Variants in CEP170 observed in about 807,000 individuals in gnomAD.
CEP170 encodes the protein centrosomal protein of 170 kDa.
Under a neutral mutation model 151.9 loss-of-function variants are expected in CEP170, and 21 were observed. The ratio of observed to expected loss-of-function variants is 0.14; its 90% CI spans 0.10 to 0.20. CEP170 has a LOEUF of 0.20. CEP170 is among the 10% of genes least tolerant of loss of function. The pLI is 1.00. For synonymous variants in CEP170, 356 were observed against 648.8 expected (o/e 0.55, Z 6.86); for missense variants, 964 against 1,892.9 (o/e 0.51, Z 9.11).
At chr1:243,175,348 T>G (rs2059155779) in intron 10 of CEP170, among the ~76,000 whole-genome samples, 1 of 152,220 alleles carries the variant, frequency 6.6e-6, no homozygotes, top group Non-Finnish European at 1.5e-5. Flanking sequence ...AAACAAGTGG[T>G]AGGGCCTGAC....
chr1:243,244,677 T>A (rs934876578), intron 1 of CEP170, among the ~76,000 whole-genome samples: 2 of 151,632 alleles, frequency 1.3e-5, no homozygotes, highest in Admixed American at 1.3e-4. Flanking sequence ...GCCCACGAGA[T>A]CGAGGCTGCA....
chr1:243,243,579 A>G (rs528943967), intron 1 of CEP170, among the ~76,000 whole-genome samples: 2 of 151,998 alleles, frequency 1.3e-5, no homozygotes, highest in Admixed American at 1.3e-4. Context: ...GCTGGAGTCC[A>G]GTGGGGCGAT....
Position 243,156,313 on chromosome 1 carries a change from T to C in CEP170, c.3819A>G (p.Ser1273=), listed in dbSNP as rs1338927772. ...TGAATGAAGAACTAGTAGGCATTGCTGATCCAGCGCTCTGCAAGCGAGTGG... is the reference window on the plus strand; with the variant it reads ...TGAATGAAGAACTAGTAGGCATTGCCGATCCAGCGCTCTGCAAGCGAGTGG... The part of the protein sequence containing the change: ...LKTTRLQSAG[S]AMPTSSSFKH... Residue 1273 remains serine, a synonymous_variant, in exon 14 of 20, where the codon TCA becomes TCG. Transcript: ENST00000366542. The C allele has an allele frequency of 1.4e-5, 23 of 1,592,206 alleles. No individual in the cohort carries two copies. The highest frequency in any genetic ancestry group is 1.9e-5 in the Non-Finnish European group (22 of 1,169,468).
At chr1:243,229,816 T>C (rs1250785051) in intron 1 of CEP170, among the ~76,000 whole-genome samples, 1 of 152,224 alleles carries the variant, frequency 6.6e-6, no homozygotes, top group South Asian at 2.1e-4. Flanking sequence ...TGTGTGTTTG[T>C]TTTTCTTTCT....
chr1:243,215,395 A>G (rs144717309), intron 3 of CEP170, among the ~76,000 whole-genome samples: 53 of 152,328 alleles, frequency 3.5e-4, no homozygotes, highest in African/African-American at 8.9e-4. Flanking sequence ...TAGGAGAAAT[A>G]TCGCTGAATT....
upstream of CEP170, chr1:243,255,426 A>G (rs561047204): frequency 1.8e-3 from 270 of 153,626 alleles, no homozygotes; most frequent in Middle Eastern, 3.4e-3. Flanking sequence ...GCGTGCCCCG[A>G]AAGACCAGCT....
At chr1:243,233,741 A>AAAAAAAAT (rs1367723157) in intron 1 of CEP170, among the ~76,000 whole-genome samples, 4 of 140,434 alleles carry the variant, frequency 2.8e-5, no homozygotes, top group African/African-American at 1.1e-4. Context: ...TCAAAAAAAA[A>AAAAAAAAT]ATATATATAT....
intron 13 of CEP170, chr1:243,163,059 C>G (rs2058188318): frequency 6.6e-6 from 1 of 152,068 alleles, no homozygotes; most frequent in Non-Finnish European, 1.5e-5. Context: ...CCATCATTAC[C>G]AAACCCACTG....
At position 243,200,807 on chromosome 1, in the gene CEP170, T is replaced by C. The variant is rs377337969; in HGVS notation, c.303A>G (p.Gly101=). ...GAGCTTCTTCAGGGACCCTCATTTC[T>C]CCTTGTACTACAGTGAAAAGATTTG... ...YDTNLFTVVQ[G]EMRVPEEALK... The change falls in exon 5 of 20, where the codon GGA becomes GGG. Residue 101 remains glycine, a synonymous_variant. Coordinates refer to ENST00000366542, the MANE Select transcript of CEP170 (RefSeq NM_014812.3). 2.4e-4 allele frequency: 386 copies of C among 1,611,010 alleles called. No individual in the cohort carries two copies. Among genetic ancestry groups the C allele is most frequent in the Non-Finnish European group, 3.1e-4 (370 of 1,178,934 alleles).
chr1:243,238,674 T>C lies in CEP170; in HGVS notation c.-41-13353A>G, dbSNP rs561292271. Among the ~76,000 whole-genome samples the C allele has an allele frequency of 1.4e-4, 21 of 152,334 alleles. No individual in the cohort carries two copies. In the South Asian group the frequency reaches 4.1e-3, roughly 30 times the overall value. ...AATGTACTAGAGTGTATGGTATATA[T>C]ACATGTATTAAAGAAAAAATCAAAT... On this transcript the variant is annotated intron_variant, in intron 1 of 19. Coordinates refer to ENST00000366542, the MANE Select transcript of CEP170 (RefSeq NM_014812.3).
chr1:243,137,745 G>A (rs1457575593), intron 16 of CEP170, among the ~76,000 whole-genome samples: 45 of 150,658 alleles, frequency 3.0e-4, no homozygotes, highest in Non-Finnish European at 5.8e-4. Flanking sequence ...ACTGCCCTCC[G>A]GCCTGGTGAC....
intron 1 of CEP170, among the ~76,000 whole-genome samples, chr1:243,252,090 C>T (rs868257294): frequency 6.6e-6 from 1 of 152,124 alleles, no homozygotes; most frequent in Admixed American, 6.5e-5. Flanking sequence ...GATATTTCTT[C>T]CCATCAAAAG....
At chr1:243,212,610 T>C (rs2061908598) in intron 3 of CEP170, among the ~76,000 whole-genome samples, 1 of 152,128 alleles carries the variant, frequency 6.6e-6, no homozygotes, top group African/African-American at 2.4e-5. Flanking sequence ...GTGATCCAAA[T>C]AATAAGACAA....
Position 243,186,082 on chromosome 1 carries a change from C to A in CEP170, c.1273-10G>T. ...GATGCGCAGAGCTAGTCTGTAAAGA[C>A]AAAGAAACCACTTTGGCATCTGCTG... On this transcript the variant is annotated splice_polypyrimidine_tract_variant and intron_variant, in intron 9 of 19. Coordinates refer to ENST00000366542, the MANE Select transcript of CEP170 (RefSeq NM_014812.3). 1 of 1,613,594 alleles carries A rather than the reference C, an allele frequency of 6.2e-7. No individual in the cohort carries two copies. Among genetic ancestry groups the A allele is most frequent in the Non-Finnish European group, 8.5e-7 (1 of 1,179,584 alleles).
chr1:243,189,421 TG>T (rs1173418353), intron 8 of CEP170, among the ~76,000 whole-genome samples: 1 of 151,342 alleles, frequency 6.6e-6, no homozygotes, highest in Non-Finnish European at 1.5e-5. Flanking sequence ...CCGGGTGTGG[TG>T]GTGGGCGCCT....
At chr1:243,217,111 C>T (rs576889372) in intron 3 of CEP170, among the ~76,000 whole-genome samples, 27 of 152,296 alleles carry the variant, frequency 1.8e-4, no homozygotes, top group Admixed American at 1.3e-4. Flanking sequence ...TGTTACTATA[C>T]TGAATATTGT....
chr1:243,199,451 T>G (rs928286182), intron 6 of CEP170, among the ~76,000 whole-genome samples: 1 of 152,092 alleles, frequency 6.6e-6, no homozygotes, highest in Non-Finnish European at 1.5e-5. Context: ...AATAGCTTTT[T>G]GTTAAGGTGT....
At chr1:243,154,387 T>A (rs2057375142) in intron 14 of CEP170, among the ~76,000 whole-genome samples, 1 of 152,210 alleles carries the variant, frequency 6.6e-6, no homozygotes, top group African/African-American at 2.4e-5. Flanking sequence ...CATTTGAAAA[T>A]ACATTTTCTC....
At chr1:243,218,843 A>AT (rs572663370) in intron 3 of CEP170, among the ~76,000 whole-genome samples, 80 of 152,168 alleles carry the variant, frequency 5.3e-4, no homozygotes, top group Non-Finnish European at 8.8e-4. Context: ...TATTATTTCT[A>AT]TTTTTTAAAA....
Sources: gnomAD v4.1 joint callset for allele counts (sites outside exome capture counted in the v4.1 genomes callset) on GRCh38, gnomAD v4.1.1 for gene constraint, MANE v1.5 for transcripts, NCBI Gene and HGNC (gene_info 2026-07-23, HGNC 2026-07-21) for gene names.